The following SULT1A1 variants were observed in gnomAD, a reference collection of about 807,000 sequenced individuals.
The protein encoded by SULT1A1 is sulfotransferase family 1A member 1, also known as sulfotransferase 1A1.
In SULT1A1, 35 loss-of-function variants were observed where a neutral mutation model predicts 36.8. That is an observed-to-expected ratio of 0.95 (90% CI 0.73 to 1.26). The LOEUF (loss-of-function observed/expected upper bound fraction) is 1.26, where lower values mean the gene tolerates loss of function less well. Among genes scored for constraint, SULT1A1 ranks in the 50% most tolerant of loss-of-function variants. The pLI is 0.00. For missense variants in SULT1A1, 309 were observed against 383.0 expected (o/e 0.81, Z 1.61); for synonymous variants, 119 against 146.0 (o/e 0.82, Z 1.33).
chr16:28,611,561 G>A (rs377352997), upstream of SULT1A1: 11 of 152,162 alleles, frequency 7.2e-5, no homozygotes, highest in African/African-American at 2.7e-4. Context: ...TTTAGTTGAA[G>A]AAGCCCATAA....
Position 28,608,370 on chromosome 16 carries a change from T to G in SULT1A1, c.293A>C (p.Asp98Ala). 2 of 1,612,316 alleles carry G rather than the reference T, an allele frequency of 1.2e-6. No individual in the cohort carries two copies. Residue 98 changes from aspartate (D) to alanine (A), a missense_variant, in exon 4 of 8, where the codon GAC (aspartate) becomes GCC (alanine). Physicochemically the swap from Asp to Ala is moderately radical, Grantham distance 126. Coordinates refer to ENST00000314752, the MANE Select transcript of SULT1A1 (RefSeq NM_001055.4). ...CTTCAGGAGTCGTGGGGCCGGTGTG[T>G]CTTTCAGAGTCTCCATCCCTGAGCA... is the stretch of plus-strand genomic sequence containing the variant. ...GIPSGMETLK[D>A]TPAPRLLKTH...
chr16:28,619,081 T>A (rs2075543025), intron 2 of SULT1A1, among the ~76,000 whole-genome samples: 1 of 152,172 alleles, frequency 6.6e-6, no homozygotes, highest in Admixed American at 6.5e-5. Flanking sequence ...AGTGGTGAGA[T>A]CTTGGCTCAC....
In SULT1A1 at chr16:28,605,788, A is replaced by G. The variant is rs547560212; in HGVS notation, c.*33T>C. ...AGCCGCTTGGTCAGGTTTGATTCGC[A>G]CACTCCCTCTGCAGTGACTCCAGGA... On this transcript the variant is annotated 3_prime_UTR_variant, in exon 8 of 8. Transcript: ENST00000314752. 37 of 1,609,898 alleles carry G rather than the reference A, an allele frequency of 2.3e-5. 3 individuals carry two copies. The South Asian group carries it at 4.1e-4, about 18-fold the overall frequency.
intron 1 of SULT1A1, chr16:28,609,222 C>T: frequency 7.8e-7 from 1 of 1,286,138 alleles, no homozygotes; most frequent in Non-Finnish European, 1.0e-6. Flanking sequence ...GTGCTGTCTC[C>T]CTGCCAGCCA....
chr16:28,616,406 C>T (rs1423211417), intron 2 of SULT1A1, among the ~76,000 whole-genome samples: 1 of 152,174 alleles, frequency 6.6e-6, no homozygotes, highest in Non-Finnish European at 1.5e-5. Flanking sequence ...CCTGACTCAG[C>T]CTCTTGAGTA....
At chr16:28,611,003 G>A (rs1281158793), upstream of SULT1A1, 6 of 152,498 alleles carry the variant, frequency 3.9e-5, no homozygotes, top group African/African-American at 1.4e-4. Context: ...TCCAGGCAGA[G>A]GAGAGGCTTC....
intron 4 of SULT1A1, 118 bp downstream of exon 4, chr16:28,608,173 G>A: frequency 1.4e-6 from 2 of 1,405,822 alleles, no homozygotes; most frequent in Non-Finnish European, 1.9e-6. Context: ...TTTTAGTAGA[G>A]ACAAGGTTCT....
chr16:28,606,850 A>C lies in SULT1A1; in HGVS notation c.505T>G (p.Tyr169Asp), dbSNP rs767487725. 6.2e-7 allele frequency: 1 copy of C among 1,612,534 alleles called. No individual in the cohort carries two copies. Among genetic ancestry groups the C allele is most frequent in the South Asian group, 1.1e-5 (1 of 91,034 alleles). Residue 169 changes from tyrosine to aspartate, a missense_variant, in exon 6 of 8, where the codon TAC becomes GAC. Around this residue, in one of 3 missense-constraint regions of SULT1A1, gnomAD observed 219 missense variants for 215.3 expected, o/e 1.02. Coordinates refer to ENST00000314752, the MANE Select transcript of SULT1A1 (RefSeq NM_001055.4). Reference protein sequence around the residue: ...LEKFMVGEVSYGSWYQHVQEW... With the variant: ...LEKFMVGEVSDGSWYQHVQEW... Reference sequence around the variant, plus strand: ...TGCACGTGCTGGTACCAGGATCCGTAGGACACTGGAGAAGCAGGCAAGGGG... The same window carrying C: ...TGCACGTGCTGGTACCAGGATCCGTCGGACACTGGAGAAGCAGGCAAGGGG...
intron 6 of SULT1A1, 123 bp from the exon 7 acceptor site, chr16:28,606,359 C>A: frequency 6.6e-7 from 1 of 1,526,672 alleles, no homozygotes; most frequent in Non-Finnish European, 8.9e-7. Context: ...GCAGAGCCAA[C>A]TCCTCAACCC....
intron 2 of SULT1A1, among the ~76,000 whole-genome samples, chr16:28,619,782 A>T (rs2047614723): frequency 6.6e-6 from 1 of 151,280 alleles, no homozygotes; most frequent in Non-Finnish European, 1.5e-5. Context: ...ACACACACAC[A>T]AAGAATCCTG....
At chr16:28,621,044 A>G (rs953980089) in intron 1 of SULT1A1, among the ~76,000 whole-genome samples, 1 of 151,948 alleles carries the variant, frequency 6.6e-6, no homozygotes, top group Non-Finnish European at 1.5e-5. Context: ...CAGAAAGTGG[A>G]GGTTGCAGTG....
At chr16:28,622,727 G>A (rs1284477979) in intron 1 of SULT1A1, among the ~76,000 whole-genome samples, 2 of 152,132 alleles carry the variant, frequency 1.3e-5, no homozygotes, top group Admixed American at 6.5e-5. Flanking sequence ...CATTGCAGCT[G>A]CTATGGCCTT....
upstream of SULT1A1, chr16:28,611,245 A>G (rs1464514272): frequency 6.6e-6 from 1 of 152,152 alleles, no homozygotes; most frequent in Non-Finnish European, 1.5e-5. Flanking sequence ...GTGAATACAA[A>G]ATCCCAGGCA....
intron 6 of SULT1A1, 87 bp downstream of exon 6, chr16:28,606,674 G>C (rs2047203400): frequency 6.4e-7 from 1 of 1,566,932 alleles, no homozygotes; most frequent in African/African-American, 1.3e-5. Flanking sequence ...GGGCTGCCCA[G>C]GGAGGGGGCT....
At chr16:28,610,271 T>C, upstream of SULT1A1, 2 of 998,818 alleles carry the variant, frequency 2.0e-6, no homozygotes, top group Non-Finnish European at 2.5e-6. Context: ...TCTGTTTTTT[T>C]TTTTTTTTTT....
upstream of SULT1A1, chr16:28,611,633 C>T (rs2047456095): frequency 6.6e-6 from 1 of 150,884 alleles, no homozygotes; most frequent in South Asian, 2.1e-4. Flanking sequence ...CGTTCCTCTT[C>T]TTCAGTGAGT....
upstream of SULT1A1, chr16:28,610,468 CA>C (rs2047409625): frequency 2.3e-5 from 8 of 342,444 alleles, no homozygotes; most frequent in South Asian, 1.9e-4. Flanking sequence ...TTGAAGGTGC[CA>C]GGGGTTCTGG....
At chr16:28,618,793 G>A (rs1375856713) in intron 2 of SULT1A1, among the ~76,000 whole-genome samples, 5 of 152,120 alleles carry the variant, frequency 3.3e-5, no homozygotes, top group Admixed American at 1.3e-4. Context: ...CCAGGACTCC[G>A]CAGAATGCTC....
chr16:28,606,819 C>T lies in SULT1A1; in HGVS notation c.536G>A (p.Trp179Ter), dbSNP rs1308801339. 1 of 1,612,364 alleles carries T rather than the reference C, an allele frequency of 6.2e-7. No homozygotes were observed. Among genetic ancestry groups the T allele is most frequent in the Non-Finnish European group, 8.5e-7 (1 of 1,178,706 alleles). Residue 179 changes from tryptophan (W) to a stop codon, truncating the protein, a stop_gained, in exon 6 of 8, where the codon TGG becomes TAG. Coordinates refer to ENST00000314752, the MANE Select transcript of SULT1A1 (RefSeq NM_001055.4). LOFTEE classifies it high-confidence loss of function. ...AGGGTGGGTGCGGCTCAGCTCCCACCACTCCTGCACGTGCTGGTACCAGGA... is the reference window on the plus strand; with the variant it reads ...AGGGTGGGTGCGGCTCAGCTCCCACTACTCCTGCACGTGCTGGTACCAGGA... The part of the protein sequence containing the change: ...YGSWYQHVQE[W>*]WELSRTHPVL...
Sources: gnomAD v4.1 joint callset for allele counts (sites outside exome capture counted in the v4.1 genomes callset) on GRCh38, gnomAD v4.1.1 for gene constraint, gnomAD v4.1.1 regional missense constraint, MANE v1.5 for transcripts, NCBI Gene and HGNC (gene_info 2026-07-23, HGNC 2026-07-21) for gene names.